The following LAMA1 variants were observed in gnomAD, a reference collection of about 807,000 sequenced individuals.
The protein encoded by LAMA1 is laminin subunit alpha-1.
In LAMA1, 219 loss-of-function variants were observed where a neutral mutation model predicts 348.7. That is an observed-to-expected ratio of 0.63 (90% CI 0.56 to 0.70). The LOEUF (loss-of-function observed/expected upper bound fraction) is 0.70. Among genes scored for constraint, LAMA1 ranks in the 30% least tolerant of loss-of-function variants. The probability of loss-of-function intolerance (pLI) is 0.00; values close to 1 mark genes in which losing one functional copy is unlikely to be tolerated. For synonymous variants in LAMA1, 1,487 were observed against 1,491.0 expected (o/e 1.00, Z 0.06); for missense variants, 3,744 against 3,888.0 (o/e 0.96, Z 0.99).
At position 6,948,407 on chromosome 18, in the gene LAMA1, A is replaced by G. The variant is rs1468644081; in HGVS notation, c.8706T>C (p.Ala2902=). ...GAGAGTGTTGCTAACACATACCAAG[A>G]GCTGCATATCCGCTTCCGTCAAAGT... The part of the protein sequence containing the change: ...GTYFDGSGYA[A]LVKEGYKVQS... Residue 2902 remains alanine (A), a synonymous_variant, in exon 60 of 63, where the codon GCT becomes GCC. Coordinates refer to ENST00000389658, the MANE Select transcript of LAMA1 (RefSeq NM_005559.4). The G allele has an allele frequency of 6.2e-7, 1 of 1,614,210 alleles. No homozygotes were observed. The highest frequency in any genetic ancestry group is 8.5e-7 in the Non-Finnish European group (1 of 1,180,040).
chr18:7,061,475 T>C (rs1333160764), intron 3 of LAMA1, among the ~76,000 whole-genome samples: 1 of 152,202 alleles, frequency 6.6e-6, no homozygotes, highest in African/African-American at 2.4e-5. Flanking sequence ...CAGGCCATTC[T>C]CAGACCTAAG....
At chr18:7,093,060 T>G (rs879780571) in intron 1 of LAMA1, among the ~76,000 whole-genome samples, 11 of 152,158 alleles carry the variant, frequency 7.2e-5, no homozygotes, top group African/African-American at 1.9e-4. Flanking sequence ...GGGTTTTCCA[T>G]GCTGTGTACC....
At chr18:7,094,740 A>T (rs1272608975) in intron 1 of LAMA1, among the ~76,000 whole-genome samples, 1 of 152,220 alleles carries the variant, frequency 6.6e-6, no homozygotes, top group Admixed American at 6.5e-5. Context: ...ACAACATAGG[A>T]ACAAGTTCAA....
At chr18:7,003,718 CA>C (rs1568026608) in intron 29 of LAMA1, among the ~76,000 whole-genome samples, 112 of 152,322 alleles carry the variant, frequency 7.4e-4, no homozygotes, top group African/African-American at 2.6e-3. Flanking sequence ...CAGTGAGGAA[CA>C]CCTGAGCAAA....
Position 6,964,734 on chromosome 18 carries a change from G to T in LAMA1, c.7265C>A (p.Ala2422Glu). ...KETKQGETPG[A>E]SSDLNRLDKD... The stretch of plus-strand genomic sequence containing the variant: ...GTCTAGGCGGTTGAGGTCAGAAGAT[G>T]CTCCCGGAGTCTCGCCCTGCTTGGT... The change falls in exon 51 of 63, where the codon GCA (alanine) becomes GAA (glutamate). Residue 2422 changes from alanine (A) to glutamate (E), a missense_variant. Ala to Glu is a moderately radical substitution (Grantham distance 107). Transcript: ENST00000389658. 1 of 1,614,100 alleles carries T rather than the reference G, an allele frequency of 6.2e-7. No individual in the cohort carries two copies.
chr18:6,962,373 C>T (rs1309473930), intron 51 of LAMA1, among the ~76,000 whole-genome samples: 1 of 144,790 alleles, frequency 6.9e-6, no homozygotes, highest in Non-Finnish European at 1.5e-5. Context: ...GATTGTTCCA[C>T]TGCACTCCAG....
In LAMA1 at chr18:6,978,191, C is replaced by T; in HGVS notation, c.6190+5G>A. 1.2e-6 allele frequency: 2 copies of T among 1,614,252 alleles called. No individual in the cohort carries two copies. Among genetic ancestry groups the T allele is most frequent in the Non-Finnish European group, 1.7e-6 (2 of 1,180,042 alleles). The stretch of plus-strand genomic sequence containing the variant: ...TCATGACTGGAAGGAAGGGCGCTGA[C>T]ATACTGGCCATGGTGGAGTCCTGCA... On this transcript the variant is annotated splice_donor_5th_base_variant and intron_variant, in intron 43 of 62. Transcript: ENST00000389658.
chr18:7,080,187 G>A (rs2058187255), intron 2 of LAMA1, 100 bp from the exon 3 acceptor site: 2 of 1,574,822 alleles, frequency 1.3e-6, no homozygotes, highest in African/African-American at 1.3e-5. Context: ...AGCAGTGAAG[G>A]TGAACACAAT....
intron 3 of LAMA1, chr18:7,079,452 T>G (rs2058183992): frequency 1.1e-5 from 2 of 177,820 alleles, no homozygotes; most frequent in South Asian, 2.7e-4. Flanking sequence ...CTGAAGGCAC[T>G]GCTTAAGTTA....
chr18:7,069,370 T>C (rs1180000318), intron 3 of LAMA1, among the ~76,000 whole-genome samples: 1 of 152,164 alleles, frequency 6.6e-6, no homozygotes, highest in Non-Finnish European at 1.5e-5. Flanking sequence ...GTGCGGCCCC[T>C]ACAAGATAAG....
rs1223171779 is a variant in LAMA1 at position 7,015,954 on chromosome 18, C to A, written c.2990-96G>T. On this transcript the variant is annotated intron_variant, in intron 21 of 62. Coordinates refer to ENST00000389658, the MANE Select transcript of LAMA1 (RefSeq NM_005559.4). ...ATTTCCCTTTTATTAAGAGTCCAAG[C>A]CACTCTTCTCACTCCTAAAAGACGC... The A allele has an allele frequency of 2.9e-5, 42 of 1,442,694 alleles. No individual in the cohort carries two copies. In the East Asian group the frequency reaches 8.7e-4, roughly 30 times the overall value. The allele number at this position is 1,442,694 out of a possible 1,614,324, so 89.4% of individuals were successfully genotyped here.
chr18:7,097,350 T>C (rs749205904), intron 1 of LAMA1, among the ~76,000 whole-genome samples: 6 of 152,016 alleles, frequency 3.9e-5, no homozygotes, highest in Non-Finnish European at 8.8e-5. Context: ...AGAAAACCTA[T>C]AAAAATTTTG....
At chr18:7,085,398 TTTCTTC>T (rs199847806) in intron 1 of LAMA1, among the ~76,000 whole-genome samples, 4 of 141,406 alleles carry the variant, frequency 2.8e-5, no homozygotes, top group Non-Finnish European at 5.9e-5. Context: ...TTACTCTTTT[TTTCTTC>T]TTCTTCTTCT....
At chr18:6,965,555 G>T in intron 49 of LAMA1, 123 bp from the exon 50 acceptor site, 4 of 1,137,622 alleles carry the variant, frequency 3.5e-6, no homozygotes, top group Non-Finnish European at 5.2e-6. Flanking sequence ...TGGCCCCACA[G>T]CCAGAGGTCT....
intron 3 of LAMA1, among the ~76,000 whole-genome samples, chr18:7,065,620 G>A (rs898742918): frequency 1.1e-4 from 16 of 152,070 alleles, no homozygotes; most frequent in Non-Finnish European, 2.1e-4. Flanking sequence ...CCAGCTACTC[G>A]GGATGCCGAA....
Position 6,976,004 on chromosome 18 carries a change from G to A in LAMA1, c.6422C>T (p.Thr2141Ile), listed in dbSNP as rs926563368. 1.9e-6 allele frequency: 3 copies of A among 1,613,946 alleles called. No homozygotes were observed. Among genetic ancestry groups the A allele is most frequent in the Non-Finnish European group, 2.5e-6 (3 of 1,179,810 alleles). ...CTGTGTCTTAACATTTAGTGTTAAGGTATTGTAGTTGGTAGAGGAAATCTG... is the reference window on the plus strand; with the variant it reads ...CTGTGTCTTAACATTTAGTGTTAAGATATTGTAGTTGGTAGAGGAAATCTG... ...QPQISSTNYNTLTLNVKTQEP... is the reference protein window; with the variant it reads ...QPQISSTNYNILTLNVKTQEP... Residue 2141 changes from threonine to isoleucine, a missense_variant, in exon 45 of 63, where the codon ACC becomes ATC. By Grantham distance (89) the Thr-to-Ile change is moderately conservative (BLOSUM62 -1). Coordinates refer to ENST00000389658, the MANE Select transcript of LAMA1 (RefSeq NM_005559.4).
intron 39 of LAMA1, among the ~76,000 whole-genome samples, chr18:6,984,276 AT>A (rs1460097564): frequency 6.6e-6 from 1 of 152,140 alleles, no homozygotes; most frequent in African/African-American, 2.4e-5. Flanking sequence ...TTATGTCAGC[AT>A]TTTTCCAATA....
At chr18:7,064,207 T>C (rs2058113415) in intron 3 of LAMA1, among the ~76,000 whole-genome samples, 1 of 152,086 alleles carries the variant, frequency 6.6e-6, no homozygotes, top group South Asian at 2.1e-4. Flanking sequence ...ATAGAGAATA[T>C]GCCATTTTTA....
intron 3 of LAMA1, among the ~76,000 whole-genome samples, chr18:7,065,195 T>TGCACTC (rs575666965): frequency 5.9e-4 from 81 of 137,450 alleles, no homozygotes; most frequent in African/African-American, 2.0e-3. Flanking sequence ...ATTGCGCCAC[T>TGCACTC]GCACTCCAGC....
Sources: allele counts gnomAD v4.1 joint callset (sites outside exome capture counted in the v4.1 genomes callset), GRCh38; gene constraint gnomAD v4.1.1; transcripts MANE v1.5; gene names NCBI Gene and HGNC (gene_info 2026-07-23, HGNC 2026-07-21).